CALN1: variants seen among roughly 807,000 people sequenced by gnomAD.
CALN1 encodes the protein calneuron 1, also known as calcium-binding protein 8.
In CALN1, 17 loss-of-function variants were observed where a neutral mutation model predicts 30.6. The ratio of observed to expected loss-of-function variants is 0.56; its 90% CI spans 0.38 to 0.83. The LOEUF is 0.83. Among genes scored for constraint, CALN1 ranks in the 40% least tolerant of loss-of-function variants. The probability of loss-of-function intolerance (pLI) is 0.00; values close to 1 mark genes in which losing one functional copy is unlikely to be tolerated. For missense variants in CALN1, 291 were observed against 354.9 expected, an observed-to-expected ratio of 0.82 and a Z score of 1.45; for synonymous variants, 156 against 131.4, an observed-to-expected ratio of 1.19 and a Z score of -1.28.
At chr7:72,501,928 A>AAAAAAAAAAAATAT in the CALN1 span, among the ~76,000 whole-genome samples, 2 of 57,968 alleles carry the variant, frequency 3.5e-5, no homozygotes, top group African/African-American at 2.0e-4. Flanking sequence ...AAAAAAAAAA[A>AAAAAAAAAAAATAT]ATATATATAT....
At chr7:72,367,761 C>T (rs569414919) in intron 2 of CALN1, among the ~76,000 whole-genome samples, 5 of 152,060 alleles carry the variant, frequency 3.3e-5, no homozygotes, top group African/African-American at 9.6e-5. Flanking sequence ...CTTGAGCCCA[C>T]GAGTTCCAGG....
chr7:72,025,438 T>C (rs974823586), intron 4 of CALN1, among the ~76,000 whole-genome samples: 8 of 152,234 alleles, frequency 5.3e-5, no homozygotes, highest in African/African-American at 1.9e-4. Context: ...TGAAACATCT[T>C]TGTATATTGA....
intron 6 of CALN1, among the ~76,000 whole-genome samples, chr7:71,790,360 AAAGAAAGAAAAG>A (rs1201712573): frequency 3.4e-5 from 3 of 86,972 alleles, no homozygotes; most frequent in South Asian, 4.2e-4. Context: ...AGAAAGAAAG[AAAGAAAGAAAAG>A]AAAGAAAGAA....
At chr7:72,012,242 G>A (rs1800122412) in intron 5 of CALN1, among the ~76,000 whole-genome samples, 1 of 152,168 alleles carries the variant, frequency 6.6e-6, no homozygotes, top group South Asian at 2.1e-4. Flanking sequence ...AATCGGCCGG[G>A]CACGGTGGCT....
intron 5 of CALN1, among the ~76,000 whole-genome samples, chr7:71,949,062 A>G (rs1336632890): frequency 2.0e-5 from 3 of 151,600 alleles, no homozygotes; most frequent in Non-Finnish European, 4.4e-5. Flanking sequence ...AAAAAAAAAA[A>G]AAAAAAAAAA....
intron 2 of CALN1, among the ~76,000 whole-genome samples, chr7:72,307,388 T>C (rs1055202722): frequency 6.6e-6 from 1 of 152,176 alleles, no homozygotes; most frequent in Admixed American, 6.5e-5. Context: ...TTTCTTCTCA[T>C]TCTGCCATAA....
At chr7:71,819,866 C>A (rs1788493807) in intron 5 of CALN1, among the ~76,000 whole-genome samples, 1 of 152,044 alleles carries the variant, frequency 6.6e-6, no homozygotes, top group African/African-American at 2.4e-5. Flanking sequence ...TTCTGTAAAC[C>A]CAAAATAGAA....
chr7:72,070,852 A>G (rs1025096906), intron 4 of CALN1, among the ~76,000 whole-genome samples: 3 of 152,196 alleles, frequency 2.0e-5, no homozygotes, highest in Non-Finnish European at 2.9e-5. Context: ...CTTAAGTCCT[A>G]TTGGACATTT....
rs756335524 is a variant in CALN1 at position 72,221,484 on chromosome 7, A to T, written c.244+57202T>A. Among the ~76,000 whole-genome samples, 83 of 152,028 alleles carry T rather than the reference A, an allele frequency of 5.5e-4. No homozygotes were observed. In the Middle Eastern group the frequency reaches 0.01, roughly 19 times the overall value. ...AGGCACCCGCCATCGTGCCTGGCTA[A>T]TTTTTTTGTGTTAGGTCACAGCTTT... On this transcript the variant is annotated intron_variant, in intron 3 of 6. Transcript: ENST00000395275.
intron 2 of CALN1, among the ~76,000 whole-genome samples, chr7:72,292,650 G>A (rs906739474): frequency 6.6e-6 from 1 of 151,010 alleles, no homozygotes; most frequent in Non-Finnish European, 1.5e-5. Context: ...GTGAAATCCT[G>A]TCTCTACTAA....
intron 4 of CALN1, among the ~76,000 whole-genome samples, chr7:72,078,558 G>GCCCAGATT (rs1017272374): frequency 7.9e-5 from 12 of 152,244 alleles, no homozygotes; most frequent in Admixed American, 5.9e-4. Context: ...AAACACTGAA[G>GCCCAGATT]CCCAGATTCC....
At chr7:72,204,782 T>C (rs1340787959) in intron 3 of CALN1, among the ~76,000 whole-genome samples, 1 of 152,228 alleles carries the variant, frequency 6.6e-6, no homozygotes, top group Non-Finnish European at 1.5e-5. Flanking sequence ...TTCCAGTTCT[T>C]TGCTACAGTG....
chr7:72,417,288 A>G (rs1204846279), upstream of CALN1, among the ~76,000 whole-genome samples: 3 of 152,194 alleles, frequency 2.0e-5, no homozygotes, highest in Non-Finnish European at 4.4e-5. Flanking sequence ...CAGCCTGCCA[A>G]AAACATCCTG....
At chr7:72,258,293 T>A (rs1435880013) in intron 3 of CALN1, among the ~76,000 whole-genome samples, 1 of 152,140 alleles carries the variant, frequency 6.6e-6, no homozygotes, top group Non-Finnish European at 1.5e-5. Context: ...TTTCCTGCAG[T>A]CTCTTTATGG....
chr7:72,441,144 G>A (rs773376359), intron 1 of CALN1, among the ~76,000 whole-genome samples: 6 of 152,026 alleles, frequency 3.9e-5, no homozygotes, highest in Non-Finnish European at 8.8e-5. Flanking sequence ...GATGAATGCC[G>A]AAAGAAATAA....
chr7:72,046,621 T>A (rs1343489322), intron 4 of CALN1, among the ~76,000 whole-genome samples: 1 of 142,366 alleles, frequency 7.0e-6, no homozygotes, highest in South Asian at 2.2e-4. Flanking sequence ...GAGGCAGAAG[T>A]ATCACTTGAA....
intron 4 of CALN1, among the ~76,000 whole-genome samples, chr7:72,052,717 C>A (rs1306407837): frequency 6.6e-6 from 1 of 152,206 alleles, no homozygotes; most frequent in African/African-American, 2.4e-5. Context: ...TGACAACTCA[C>A]TTCAGTCTCA....
chr7:72,480,444 G>C, the CALN1 span, among the ~76,000 whole-genome samples: 1 of 152,128 alleles, frequency 6.6e-6, no homozygotes. Flanking sequence ...TTATATACTT[G>C]CGGGATATTG....
chr7:72,219,017 G>C (rs1023667664), intron 3 of CALN1, among the ~76,000 whole-genome samples: 11 of 152,164 alleles, frequency 7.2e-5, no homozygotes, highest in Admixed American at 6.5e-4. Flanking sequence ...CCCTGAAACA[G>C]GAAACTGCAC....
Sources: allele counts gnomAD v4.1 joint callset (sites outside exome capture counted in the v4.1 genomes callset), GRCh38; gene constraint gnomAD v4.1.1; transcripts MANE v1.5; gene names NCBI Gene and HGNC (gene_info 2026-07-23, HGNC 2026-07-21).